Variants in RHOA observed in about 807,000 individuals in gnomAD.
RHOA encodes the protein transforming protein RhoA.
Under a neutral mutation model 17.5 loss-of-function variants are expected in RHOA, and 3 were observed. That is an observed-to-expected ratio of 0.17 (90% confidence interval 0.08 to 0.44). The LOEUF (loss-of-function observed/expected upper bound fraction) is 0.44, where lower values mean the gene tolerates loss of function less well. RHOA is among the 20% of genes least tolerant of loss of function. The pLI, the probability that RHOA is intolerant of heterozygous loss-of-function variation, is 0.99. For missense variants in RHOA, 56 were observed against 242.3 expected, an observed-to-expected ratio of 0.23 and a Z score of 5.10; for synonymous variants, 98 against 88.4, an observed-to-expected ratio of 1.11 and a Z score of -0.61.
chr3:49,364,691 T>TA (rs766740015), intron 3 of RHOA, among the ~76,000 whole-genome samples: 1 of 150,960 alleles, frequency 6.6e-6, no homozygotes, highest in East Asian at 2.0e-4. Flanking sequence ...TAAATAAAAA[T>TA]AAATAGACCA....
In RHOA at chr3:49,391,758, A is replaced by G. The variant is rs149974431; in HGVS notation, c.-2-16167T>C. 7.7e-3 allele frequency among the ~76,000 whole-genome samples: 1,150 copies of G among 148,396 alleles called. 7 individuals carry two copies. Among genetic ancestry groups the G allele is most frequent in the Non-Finnish European group, 0.012 (815 of 67,328 alleles). ...CTTCCCAACCTCAGGTGATCCGCCC[A>G]CCTCAGCCTCCCAAAGTGCTGGGAT... On this transcript the variant is annotated intron_variant, in intron 1 of 4. Transcript: ENST00000418115.
chr3:49,398,339 C>T (rs985284522), intron 1 of RHOA, among the ~76,000 whole-genome samples: 1 of 150,330 alleles, frequency 6.7e-6, no homozygotes, highest in Admixed American at 6.6e-5. Context: ...GGTAACAGAG[C>T]AAGACTTTGT....
At chr3:49,374,873 G>A (rs1252857212) in intron 2 of RHOA, among the ~76,000 whole-genome samples, 2 of 151,828 alleles carry the variant, frequency 1.3e-5, no homozygotes, top group Non-Finnish European at 2.9e-5. Flanking sequence ...CCTGGCCAAC[G>A]TAGTGAAACC....
chr3:49,381,260 T>C (rs2048311849), intron 1 of RHOA, among the ~76,000 whole-genome samples: 1 of 151,218 alleles, frequency 6.6e-6, no homozygotes, highest in Non-Finnish European at 1.5e-5. Flanking sequence ...TAAAAATAAG[T>C]TGGACGTAGT....
intron 1 of RHOA, among the ~76,000 whole-genome samples, chr3:49,395,955 C>T (rs1391360845): frequency 6.6e-6 from 1 of 152,102 alleles, no homozygotes; most frequent in African/African-American, 2.4e-5. Context: ...CAGGTAAAAA[C>T]AGCATAGTCT....
At chr3:49,387,131 A>C (rs1575663860) in intron 1 of RHOA, among the ~76,000 whole-genome samples, 2 of 14,302 alleles carry the variant, frequency 1.4e-4, no homozygotes, top group Non-Finnish European at 2.5e-4. Flanking sequence ...AAAAAAAAAA[A>C]AAAAAAAAAA....
In RHOA at chr3:49,399,054, C is replaced by CAAAAAAAAAAAAAAAAAAAAAAAA. The variant is rs10530558; in HGVS notation, c.-3+12742_-3+12765dup. Among the ~76,000 whole-genome samples the CAAAAAAAAAAAAAAAAAAAAAAAA allele has an allele frequency of 2.4e-4, 6 of 24,840 alleles. 1 individual carries two copies. Among genetic ancestry groups the CAAAAAAAAAAAAAAAAAAAAAAAA allele is most frequent in the Admixed American group, 8.8e-4 (1 of 1,130 alleles). The allele number at this position is 24,840 out of a possible 152,430, so 16.3% of individuals were successfully genotyped here. A position where few individuals can be genotyped will look rare whatever the true frequency, so the allele number is the denominator to read the frequency against. On this transcript the variant is annotated intron_variant, in intron 1 of 4. Coordinates refer to ENST00000418115, the MANE Select transcript of RHOA (RefSeq NM_001664.4). ...TGCGTGACAGAGCAAGACTCCGTCT[C>CAAAAAAAAAAAAAAAAAAAAAAAA]AAAAAAAAAAAAAAAAAAAAAAAAA...
In RHOA at chr3:49,410,327, C is replaced by T. The variant is rs996823253; in HGVS notation, c.-3+1493G>A. Among the ~76,000 whole-genome samples the T allele has an allele frequency of 2.0e-5, 3 of 152,284 alleles. No homozygotes were observed. The East Asian group carries it at 5.8e-4, about 29-fold the overall frequency. On this transcript the variant is annotated intron_variant, in intron 1 of 4. Coordinates refer to ENST00000418115, the MANE Select transcript of RHOA (RefSeq NM_001664.4). ...TTGCTCATCTGCAAATGGGGTTGGA[C>T]AACCAGTCCTGAAAGATTCCTCTTA...
intron 3 of RHOA, among the ~76,000 whole-genome samples, chr3:49,368,141 A>G: frequency 6.6e-6 from 1 of 151,822 alleles, no homozygotes; most frequent in South Asian, 2.1e-4. Context: ...TGAACTCCTG[A>G]CCCTCAGGTG....
intron 4 of RHOA, among the ~76,000 whole-genome samples, chr3:49,362,279 A>G (rs929230559): frequency 1.3e-5 from 2 of 152,150 alleles, no homozygotes; most frequent in Non-Finnish European, 2.9e-5. Context: ...TGGGCATAGC[A>G]CTACCTCATA....
At chr3:49,370,504 G>T (rs1239819595) in intron 2 of RHOA, among the ~76,000 whole-genome samples, 1 of 152,216 alleles carries the variant, frequency 6.6e-6, no homozygotes, top group African/African-American at 2.4e-5. Context: ...TCTGTATTTT[G>T]AGTTGGTAGG....
rs548690625 is a variant in RHOA, at chr3:49,396,788, C to T, written c.-3+15032G>A. On this transcript the variant is annotated intron_variant, in intron 1 of 4. Transcript: ENST00000418115. Reference sequence around the variant, plus strand: ...AACTGCTTAAGCACGAGTTCAACACCAGCCCGGGCAACATAGTGAGACCAC... The same window carrying T: ...AACTGCTTAAGCACGAGTTCAACACTAGCCCGGGCAACATAGTGAGACCAC... 5.3e-5 allele frequency among the ~76,000 whole-genome samples: 8 copies of T among 151,882 alleles called. No homozygotes were observed. The East Asian group carries it at 1.5e-3, about 29-fold the overall frequency.
chr3:49,384,858 C>T (rs1213740692), intron 1 of RHOA, among the ~76,000 whole-genome samples: 1 of 152,006 alleles, frequency 6.6e-6, no homozygotes, highest in African/African-American at 2.4e-5. Flanking sequence ...GTCAGGAGTT[C>T]GAAACCAGCA....
chr3:49,394,239 C>T (rs905559320), intron 1 of RHOA, among the ~76,000 whole-genome samples: 1 of 152,160 alleles, frequency 6.6e-6, no homozygotes, highest in Non-Finnish European at 1.5e-5. Flanking sequence ...CTCCTGACCT[C>T]GCGATCTGCC....
At chr3:49,396,435 C>T (rs556041702) in intron 1 of RHOA, among the ~76,000 whole-genome samples, 2 of 151,738 alleles carry the variant, frequency 1.3e-5, no homozygotes, top group South Asian at 2.1e-4. Context: ...ATTAGTTGGG[C>T]GCGGTGGCTC....
chr3:49,365,979 C>T (rs1185953510), intron 3 of RHOA, among the ~76,000 whole-genome samples: 19 of 152,056 alleles, frequency 1.2e-4, no homozygotes, highest in Non-Finnish European at 2.8e-4. Context: ...ATTGTTTGAG[C>T]CCAGGAGGTC....
chr3:49,364,648 G>A (rs1022945172), intron 3 of RHOA, among the ~76,000 whole-genome samples: 1 of 151,896 alleles, frequency 6.6e-6, no homozygotes, highest in Non-Finnish European at 1.5e-5. Flanking sequence ...GCGACAGAGC[G>A]AGACTCCGTC....
At chr3:49,405,856 TG>T (rs1242781095) in intron 1 of RHOA, among the ~76,000 whole-genome samples, 6 of 152,166 alleles carry the variant, frequency 3.9e-5, no homozygotes, top group African/African-American at 1.2e-4. Flanking sequence ...GGCTGATTTT[TG>T]TATTTTTAGT....
chr3:49,374,509 A>G (rs1162277427), intron 2 of RHOA, among the ~76,000 whole-genome samples: 1 of 152,092 alleles, frequency 6.6e-6, no homozygotes, highest in African/African-American at 2.4e-5. Context: ...ATCTGAGGTC[A>G]GGAGCTTGAG....
Sources: allele counts gnomAD v4.1 joint callset (sites outside exome capture counted in the v4.1 genomes callset), GRCh38; gene constraint gnomAD v4.1.1; transcripts MANE v1.5; gene names NCBI Gene and HGNC (gene_info 2026-07-23, HGNC 2026-07-21).